GAK: variants seen among roughly 807,000 people sequenced by gnomAD.
GAK encodes cyclin G associated kinase, also known as cyclin-G-associated kinase.
Under a neutral mutation model 143.9 loss-of-function variants are expected in GAK, and 79 were observed. The ratio of observed to expected loss-of-function variants is 0.55; its 90% CI spans 0.46 to 0.66. The LOEUF is 0.66. Ranked by LOEUF, GAK falls within the 30% of genes least tolerant of loss-of-function variation. The pLI is 0.00. For synonymous variants in GAK, 881 were observed against 765.5 expected, an observed-to-expected ratio of 1.15 and a Z score of -2.49; for missense variants, 1,693 against 1,779.7, an observed-to-expected ratio of 0.95 and a Z score of 0.88.
chr4:865,509 C>T (rs1180073401), intron 22 of GAK, among the ~76,000 whole-genome samples: 2 of 151,924 alleles, frequency 1.3e-5, no homozygotes, highest in Non-Finnish European at 2.9e-5. Flanking sequence ...CATTCCCATC[C>T]AAAAGGGTTT....
intron 15 of GAK, among the ~76,000 whole-genome samples, chr4:878,564 T>C (rs1367255152): frequency 6.6e-6 from 1 of 152,204 alleles, no homozygotes; most frequent in Non-Finnish European, 1.5e-5. Flanking sequence ...CCTTCATGGG[T>C]TGGCACATTC....
intron 17 of GAK, 74 bp downstream of exon 17, chr4:877,016 C>T (rs528696207): frequency 2.1e-5 from 21 of 1,009,564 alleles, no homozygotes; most frequent in Admixed American, 9.8e-5. Flanking sequence ...GAGAAGTGAG[C>T]GCACTGTGGC....
intron 15 of GAK, among the ~76,000 whole-genome samples, chr4:878,379 C>T (rs1714421804): frequency 6.6e-6 from 1 of 151,938 alleles, no homozygotes; most frequent in Non-Finnish European, 1.5e-5. Context: ...TTTTATTCCA[C>T]TGTGGCCTGA....
At chr4:926,114 C>A (rs1419264494) in intron 1 of GAK, among the ~76,000 whole-genome samples, 1 of 151,692 alleles carries the variant, frequency 6.6e-6, no homozygotes, top group Non-Finnish European at 1.5e-5. Context: ...AGGGGGTCCT[C>A]CCTGGACAGT....
At chr4:891,752 GGGCA>G (rs1717712269) in intron 9 of GAK, among the ~76,000 whole-genome samples, 1 of 152,098 alleles carries the variant, frequency 6.6e-6, no homozygotes, top group Non-Finnish European at 1.5e-5. Context: ...CCGGGGGAGT[GGGCA>G]GGCATTTTCT....
intron 1 of GAK, among the ~76,000 whole-genome samples, chr4:918,795 A>C (rs1333394582): frequency 6.6e-6 from 1 of 152,036 alleles, no homozygotes; most frequent in African/African-American, 2.4e-5. Context: ...AAGGCTCCAA[A>C]GGCCTCAGCG....
intron 10 of GAK, among the ~76,000 whole-genome samples, chr4:890,248 C>T (rs776923749): frequency 3.3e-5 from 5 of 152,190 alleles, no homozygotes; most frequent in Non-Finnish European, 7.4e-5. Context: ...CACTCGGGCC[C>T]GGTCTCCTGG....
chr4:882,223 G>A (rs1715283491), intron 14 of GAK, among the ~76,000 whole-genome samples, 183 bp from the exon 15 acceptor site: 2 of 152,232 alleles, frequency 1.3e-5, no homozygotes, highest in Admixed American at 6.5e-5. Flanking sequence ...GCCCAACAGA[G>A]ACTGAAGGTT....
At chr4:922,225 G>A (rs1221183350) in intron 1 of GAK, among the ~76,000 whole-genome samples, 1 of 152,074 alleles carries the variant, frequency 6.6e-6, no homozygotes, top group African/African-American at 2.4e-5. Flanking sequence ...CAGCAAAAAG[G>A]CAGCATCGGC....
intron 20 of GAK, among the ~76,000 whole-genome samples, chr4:868,139 G>A (rs1196007697): frequency 7.1e-6 from 1 of 141,008 alleles, no homozygotes; most frequent in Non-Finnish European, 1.6e-5. Context: ...GCCTCAGAGG[G>A]GCTGGGAGCC....
chr4:873,292 G>C (rs1440743469), intron 18 of GAK, among the ~76,000 whole-genome samples: 1 of 152,002 alleles, frequency 6.6e-6, no homozygotes, highest in Admixed American at 6.5e-5. Context: ...TTTCCTTTTT[G>C]GCACACAGGT....
chr4:883,228 C>A, intron 13 of GAK, 87 bp downstream of exon 13: 2 of 1,511,928 alleles, frequency 1.3e-6, no homozygotes, highest in Non-Finnish European at 1.8e-6. Context: ...CACAGCCCCA[C>A]CCTGGCCAAA....
chr4:903,432 G>T (rs893127083), intron 5 of GAK, among the ~76,000 whole-genome samples: 1 of 152,184 alleles, frequency 6.6e-6, no homozygotes, highest in Non-Finnish European at 1.5e-5. Context: ...CGACCCCAGC[G>T]CCTGAGACAG....
intron 24 of GAK, chr4:852,222 T>A: frequency 1.7e-6 from 1 of 574,508 alleles, no homozygotes; most frequent in East Asian, 3.0e-5. Context: ...ACAGGGCAGC[T>A]GTGGAGGCAG....
chr4:894,229 A>G (rs1366189892), intron 7 of GAK: 48 of 322,834 alleles, frequency 1.5e-4, no homozygotes, highest in African/African-American at 1.1e-3. Flanking sequence ...TGCGGGAACA[A>G]CAGGGGTGAC....
At chr4:849,833 G>GGGGGGGCCCCCC in intron 27 of GAK, 59 bp from the exon 28 acceptor site, 1 of 1,190,156 alleles carries the variant, frequency 8.4e-7, no homozygotes, top group Non-Finnish European at 1.2e-6. Context: ...GGCGGGGCAG[G>GGGGGGGCCCCCC]ACCCCCCCCC....
intron 13 of GAK, among the ~76,000 whole-genome samples, 160 bp from the exon 14 acceptor site, chr4:882,979 G>A (rs1291610764): frequency 1.3e-5 from 2 of 152,248 alleles, no homozygotes; most frequent in East Asian, 3.8e-4. Flanking sequence ...GCTGCCACTG[G>A]CCTTGCAGAC....
At chr4:849,833 G>GGCCCCCCCCCCCCCC in intron 27 of GAK, 59 bp from the exon 28 acceptor site, 18 of 1,190,126 alleles carry the variant, frequency 1.5e-5, no homozygotes, top group East Asian at 2.7e-5. Context: ...GGCGGGGCAG[G>GGCCCCCCCCCCCCCC]ACCCCCCCCC....
At chr4:923,037 C>A (rs1724147180) in intron 1 of GAK, among the ~76,000 whole-genome samples, 1 of 152,122 alleles carries the variant, frequency 6.6e-6, no homozygotes, top group South Asian at 2.1e-4. Context: ...CTTCGAATGA[C>A]AAAATCACAG....
Sources: gnomAD v4.1 joint callset for allele counts (sites outside exome capture counted in the v4.1 genomes callset) on GRCh38, gnomAD v4.1.1 for gene constraint, MANE v1.5 for transcripts, NCBI Gene and HGNC (gene_info 2026-07-23, HGNC 2026-07-21) for gene names.